WSB1: variants seen among roughly 807,000 people sequenced by gnomAD.
The protein encoded by WSB1 is WD repeat and SOCS box containing 1.
In WSB1, 23 loss-of-function variants were observed where a neutral mutation model predicts 50.2. The ratio of observed to expected loss-of-function variants is 0.46; its 90% CI spans 0.33 to 0.65. The LOEUF (loss-of-function observed/expected upper bound fraction) is 0.65, where lower values mean the gene tolerates loss of function less well. Among genes scored for constraint, WSB1 ranks in the 30% least tolerant of loss-of-function variants. WSB1 has a pLI of 0.02. For synonymous variants in WSB1, 179 were observed against 172.0 expected (o/e 1.04, Z -0.32); for missense variants, 492 against 522.3 (o/e 0.94, Z 0.56).
At chr17:27,309,320 C>A in intron 6 of WSB1, 48 bp downstream of exon 6, 2 of 1,387,312 alleles carry the variant, frequency 1.4e-6, no homozygotes, top group Non-Finnish European at 1.9e-6. Context: ...CTCCACCTAT[C>A]AAGTTATGTG....
Position 27,313,269 on chromosome 17 carries a change from T to C in WSB1, c.*900T>C, listed in dbSNP as rs1014719446. 6.6e-6 allele frequency: 1 copy of C among 150,976 alleles called. No homozygotes were observed. The highest frequency in any genetic ancestry group is 1.5e-5 in the Non-Finnish European group (1 of 67,806). 9.4% of individuals were successfully genotyped at this position (150,976 alleles called of 1,614,324 possible). ...AAAAGGATGTCTTTTTTTTTTTTTT[T>C]ACTCCCCCTCTAAACACTGCTGCTG... On this transcript the variant is annotated 3_prime_UTR_variant, in exon 9 of 9. Coordinates refer to ENST00000262394, the MANE Select transcript of WSB1 (RefSeq NM_015626.10).
Position 27,314,870 on chromosome 17 carries a change from G to C in WSB1, c.*2501G>C, listed in dbSNP as rs890725690. 3.3e-5 allele frequency: 5 copies of C among 151,934 alleles called. No individual in the cohort carries two copies. Among genetic ancestry groups the C allele is most frequent in the African/African-American group, 1.2e-4 (5 of 41,348 alleles). 9.4% of individuals were successfully genotyped at this position (151,934 alleles called of 1,614,324 possible). On this transcript the variant is annotated 3_prime_UTR_variant, in exon 9 of 9. Coordinates refer to ENST00000262394, the MANE Select transcript of WSB1 (RefSeq NM_015626.10). The stretch of plus-strand genomic sequence containing the variant: ...TTTTTAGGACAGACGGCGTTTCACT[G>C]TTGGCCAGACTGGTCTCAAACTCCT...
At chr17:27,307,825 A>C (rs1597766085) in intron 5 of WSB1, 4 of 1,515,572 alleles carry the variant, frequency 2.6e-6, no homozygotes, top group Non-Finnish European at 3.5e-6. Context: ...GCTGGGCAGA[A>C]AGAGTGGCAT....
intron 1 of WSB1, among the ~76,000 whole-genome samples, chr17:27,300,877 T>A (rs1024862325): frequency 7.0e-6 from 1 of 143,074 alleles, no homozygotes; most frequent in African/African-American, 2.5e-5. Flanking sequence ...TGCATTTTCT[T>A]TTATTTTAGC....
chr17:27,312,607 C>T lies in WSB1; in HGVS notation c.*238C>T, dbSNP rs528962084. The T allele has an allele frequency of 4.3e-6, 2 of 462,366 alleles. No homozygotes were observed. The highest frequency in any genetic ancestry group is 8.9e-5 in the East Asian group (2 of 22,578). The allele number at this position is 462,366 out of a possible 1,614,324, so 28.6% of individuals were successfully genotyped here. A position where few individuals can be genotyped will look rare whatever the true frequency, so the allele number is the denominator to read the frequency against. ...GATCTAACTGTGAAAACATACATAC[C>T]TGTACATATTTAGATATAAGCTGCT... On this transcript the variant is annotated 3_prime_UTR_variant, in exon 9 of 9. Coordinates refer to ENST00000262394, the MANE Select transcript of WSB1 (RefSeq NM_015626.10).
chr17:27,304,693 C>CA (rs1232094711), intron 3 of WSB1, 87 bp from the exon 4 acceptor site: 1 of 1,357,488 alleles, frequency 7.4e-7, no homozygotes, highest in Non-Finnish European at 1.0e-6. Context: ...GCCTGAGTGA[C>CA]AGAGTGAGAC....
intron 3 of WSB1, among the ~76,000 whole-genome samples, chr17:27,304,496 T>C (rs6505193): frequency 1 from 145,504 of 145,508 alleles, 72,750 homozygotes; most frequent in Middle Eastern, 1. Context: ...CCCAGGAGTT[T>C]TAGACCAGCC....
In WSB1 at chr17:27,311,621, A is replaced by G. The variant is rs1208296736; in HGVS notation, c.1106+5A>G. The stretch of plus-strand genomic sequence containing the variant: ...TGGCAGTGTTTTAGCTGCTGGGTAA[A>G]TATATTTTTCTCTTTTTTTTTTTTT... On this transcript the variant is annotated splice_donor_5th_base_variant and intron_variant, in intron 8 of 8. Transcript: ENST00000262394. The G allele has an allele frequency of 3.5e-6, 5 of 1,446,064 alleles. No individual in the cohort carries two copies. Among genetic ancestry groups the G allele is most frequent in the Non-Finnish European group, 4.7e-6 (5 of 1,066,942 alleles). The allele number at this position is 1,446,064 out of a possible 1,614,324, so 89.6% of individuals were successfully genotyped here.
At chr17:27,296,344 TC>T (rs2016980976) in intron 1 of WSB1, among the ~76,000 whole-genome samples, 1 of 152,196 alleles carries the variant, frequency 6.6e-6, no homozygotes, top group Non-Finnish European at 1.5e-5. Context: ...TTTTGCTTTT[TC>T]TGAGCTTTTT....
At position 27,312,496 on chromosome 17, in the gene WSB1, CT is replaced by C. The variant is rs2017725651; in HGVS notation, c.*128del. 8.0e-7 allele frequency: 1 copy of C among 1,248,220 alleles called. No individual in the cohort carries two copies. The highest frequency in any genetic ancestry group is 1.1e-6 in the Non-Finnish European group (1 of 897,310). 77.3% of individuals were successfully genotyped at this position (1,248,220 alleles called of 1,614,324 possible). A position where few individuals can be genotyped will look rare whatever the true frequency, so the allele number is the denominator to read the frequency against. ...TTATTTAATTTGATATGTTCTTGTA[CT>C]GCATTTTGATCAGTTGAGCTTTTAA... On this transcript the variant is annotated 3_prime_UTR_variant, in exon 9 of 9. Coordinates refer to ENST00000262394, the MANE Select transcript of WSB1 (RefSeq NM_015626.10).
rs866473286 is a variant in WSB1 at position 27,314,297 on chromosome 17, G to C, written c.*1928G>C. 1.3e-5 allele frequency: 2 copies of C among 152,088 alleles called. No individual in the cohort carries two copies. Among genetic ancestry groups the C allele is most frequent in the Non-Finnish European group, 2.9e-5 (2 of 68,016 alleles). The allele number at this position is 152,088 out of a possible 1,614,324, so 9.4% of individuals were successfully genotyped here. On this transcript the variant is annotated 3_prime_UTR_variant, in exon 9 of 9. Coordinates refer to ENST00000262394, the MANE Select transcript of WSB1 (RefSeq NM_015626.10). ...TTTATAATTTTAAAATACACTGGCC[G>C]GGCGCAGTGGCCCACACCTATAATC...
intron 7 of WSB1, among the ~76,000 whole-genome samples, chr17:27,311,215 A>T (rs1158212411): frequency 1.3e-5 from 2 of 152,216 alleles, no homozygotes; most frequent in Non-Finnish European, 2.9e-5. Flanking sequence ...TTGTAAGTGT[A>T]GGAAAGTAAG....
intron 3 of WSB1, 175 bp downstream of exon 3, chr17:27,303,810 T>C: frequency 1.3e-6 from 1 of 753,612 alleles, no homozygotes; most frequent in Admixed American, 2.9e-5. Flanking sequence ...GATTTTAATT[T>C]AGGAAAACTA....
intron 3 of WSB1, 104 bp from the exon 4 acceptor site, chr17:27,304,676 C>G (rs772749128): frequency 6.0e-6 from 7 of 1,176,150 alleles, no homozygotes; most frequent in Non-Finnish European, 7.1e-6. Context: ...TACGCCATTG[C>G]ACTCCAGCCT....
intron 1 of WSB1, among the ~76,000 whole-genome samples, chr17:27,295,378 A>G (rs1482112460): frequency 2.0e-5 from 3 of 152,214 alleles, no homozygotes; most frequent in African/African-American, 7.2e-5. Flanking sequence ...AGTTATTTCT[A>G]GAGAAGGGAA....
intron 4 of WSB1, among the ~76,000 whole-genome samples, chr17:27,305,976 T>C (rs1430992754): frequency 6.6e-6 from 1 of 152,192 alleles, no homozygotes; most frequent in Non-Finnish European, 1.5e-5. Context: ...GCATAGGGCC[T>C]GGCATGCGTA....
At chr17:27,302,074 G>T in intron 2 of WSB1, 118 bp downstream of exon 2, 2 of 1,239,832 alleles carry the variant, frequency 1.6e-6, no homozygotes, top group Non-Finnish European at 2.2e-6. Context: ...GATGTCGTGA[G>T]TTTTAATCAT....
rs1345872241 is a variant in WSB1, at chr17:27,294,357, G to A, written c.-39G>A. 6.2e-7 allele frequency: 1 copy of A among 1,612,012 alleles called. No individual in the cohort carries two copies. ...TCGCCACTCTCTTCTCTGTTGTTGG[G>A]TCCGCATCGTATTCCCGGAATCAGA... is the stretch of plus-strand genomic sequence containing the variant. On this transcript the variant is annotated 5_prime_UTR_variant, in exon 1 of 9. Coordinates refer to ENST00000262394, the MANE Select transcript of WSB1 (RefSeq NM_015626.10).
intron 1 of WSB1, among the ~76,000 whole-genome samples, chr17:27,294,978 C>T (rs1385268899): frequency 6.6e-6 from 1 of 152,152 alleles, no homozygotes; most frequent in Non-Finnish European, 1.5e-5. Flanking sequence ...TTAGAATTAT[C>T]TTTCAAACAC....
Sources: allele counts gnomAD v4.1 joint callset (sites outside exome capture counted in the v4.1 genomes callset), GRCh38; gene constraint gnomAD v4.1.1; transcripts MANE v1.5; gene names NCBI Gene and HGNC (gene_info 2026-07-23, HGNC 2026-07-21).